EML4: variants seen among roughly 807,000 people sequenced by gnomAD.
The protein encoded by EML4 is EMAP like 4.
Under a neutral mutation model 129.0 loss-of-function variants are expected in EML4, and 72 were observed. The observed-to-expected ratio is 0.56, with a 90% confidence interval of 0.46 to 0.68. The LOEUF (loss-of-function observed/expected upper bound fraction) is 0.68, where lower values mean the gene tolerates loss of function less well. Among genes scored for constraint, EML4 ranks in the 30% least tolerant of loss-of-function variants. EML4 has a pLI of 0.00. For missense variants in EML4, 1,363 were observed against 1,190.6 expected, an observed-to-expected ratio of 1.14 and a Z score of -2.13; for synonymous variants, 532 against 405.0, an observed-to-expected ratio of 1.31 and a Z score of -3.77.
chr2:42,189,486 G>A (rs1270565341), intron 1 of EML4, among the ~76,000 whole-genome samples: 1 of 152,176 alleles, frequency 6.6e-6, no homozygotes, highest in Non-Finnish European at 1.5e-5. Flanking sequence ...AGGCCAAGAC[G>A]AGAGGATTGC....
At chr2:42,192,322 C>G (rs1671642296) in intron 1 of EML4, among the ~76,000 whole-genome samples, 3 of 151,224 alleles carry the variant, frequency 2.0e-5, no homozygotes, top group African/African-American at 7.3e-5. Context: ...TAACTGCAAC[C>G]TCTGCCTGCT....
intron 5 of EML4, among the ~76,000 whole-genome samples, chr2:42,263,933 G>A (rs1003732828): frequency 4.6e-5 from 7 of 151,586 alleles, no homozygotes; most frequent in Admixed American, 6.6e-5. Flanking sequence ...TTTTCACCAC[G>A]TTAGCCAGGA....
At chr2:42,197,809 G>C (rs977675366) in intron 1 of EML4, among the ~76,000 whole-genome samples, 2 of 152,142 alleles carry the variant, frequency 1.3e-5, no homozygotes, top group African/African-American at 4.8e-5. Flanking sequence ...TACAGTTTTG[G>C]AAATAACTCC....
rs534858378 is a variant in EML4 at position 42,240,507 on chromosome 2, C to T, written c.26-4998C>T. 6.6e-5 allele frequency among the ~76,000 whole-genome samples: 10 copies of T among 152,180 alleles called. No individual in the cohort carries two copies. In the East Asian group the frequency reaches 1.9e-3, roughly 29 times the overall value. ...GTGTGTGTCTATCAATTATTCAGTA[C>T]ATATTGTTTTGCAGTTTGCTTATCC... is the stretch of plus-strand genomic sequence containing the variant. On this transcript the variant is annotated intron_variant, in intron 1 of 22. Coordinates refer to ENST00000318522, the MANE Select transcript of EML4 (RefSeq NM_019063.5).
chr2:42,228,841 A>T (rs1308105762), intron 1 of EML4, among the ~76,000 whole-genome samples: 1 of 152,228 alleles, frequency 6.6e-6, no homozygotes, highest in African/African-American at 2.4e-5. Context: ...TTAAATCCTA[A>T]CAATGCATGG....
intron 1 of EML4, among the ~76,000 whole-genome samples, chr2:42,211,430 C>G (rs151337721): frequency 0.015 from 2,267 of 152,300 alleles, 30 homozygotes; most frequent in Non-Finnish European, 0.025. Flanking sequence ...ACTGATTGAA[C>G]ATTATCTACA....
At chr2:42,271,111 C>A (rs1666337824) in intron 6 of EML4, among the ~76,000 whole-genome samples, 1 of 152,142 alleles carries the variant, frequency 6.6e-6, no homozygotes, top group Non-Finnish European at 1.5e-5. Flanking sequence ...CCAGGCTGTT[C>A]TTGAACTCCT....
chr2:42,245,966 G>A (rs1321062492), intron 2 of EML4, among the ~76,000 whole-genome samples: 1 of 151,924 alleles, frequency 6.6e-6, no homozygotes, highest in African/African-American at 2.4e-5. Flanking sequence ...GTTTACTCAG[G>A]GCAGGAACTG....
chr2:42,197,932 CTG>C (rs769000890), intron 1 of EML4, among the ~76,000 whole-genome samples: 5 of 152,194 alleles, frequency 3.3e-5, no homozygotes, highest in Non-Finnish European at 7.3e-5. Flanking sequence ...GGTTAAGAAT[CTG>C]GGCTCCAGAG....
chr2:42,273,680 AT>A (rs34831617), intron 6 of EML4, among the ~76,000 whole-genome samples: 34,627 of 152,004 alleles, frequency 0.23, 4,778 homozygotes, highest in East Asian at 0.56. Flanking sequence ...ACTTAGTCAG[AT>A]TTTTTCAGAC....
At chr2:42,262,848 A>C (rs1219523960) in intron 4 of EML4, among the ~76,000 whole-genome samples, 1 of 152,226 alleles carries the variant, frequency 6.6e-6, no homozygotes, top group Non-Finnish European at 1.5e-5. Flanking sequence ...CTATGAAAAA[A>C]TACAGGTTTT....
chr2:42,297,477 C>T (rs942425628), intron 13 of EML4, among the ~76,000 whole-genome samples: 2 of 152,152 alleles, frequency 1.3e-5, no homozygotes, highest in Non-Finnish European at 2.9e-5. Context: ...AAACAGGAAA[C>T]AGGAAATCCA....
intron 2 of EML4, among the ~76,000 whole-genome samples, 170 bp from the exon 3 acceptor site, chr2:42,256,331 A>C (rs999323330): frequency 2.0e-4 from 31 of 152,342 alleles, no homozygotes; most frequent in African/African-American, 7.5e-4. Context: ...GTCTTGAGAC[A>C]GTATCATGTG....
At position 42,316,039 on chromosome 2, in the gene EML4, G is replaced by A. The variant is rs1193492729; in HGVS notation, c.2045G>A (p.Arg682His). Residue 682 changes from arginine (R) to histidine (H), a missense_variant, in exon 18 of 23, where the codon CGC (arginine) becomes CAC (histidine). Transcript: ENST00000318522. ...TDGNEQLSVM[R>H]YSIDGTFLAV... ...GGGAATGAACAGCTCTCTGTGATGCGCTACTCAATAGGTAGGCAAATTTAC... is the reference window on the plus strand; with the variant it reads ...GGGAATGAACAGCTCTCTGTGATGCACTACTCAATAGGTAGGCAAATTTAC... 2 of 1,612,458 alleles carry A rather than the reference G, an allele frequency of 1.2e-6. No individual in the cohort carries two copies. The highest frequency in any genetic ancestry group is 1.7e-6 in the Non-Finnish European group (2 of 1,178,798).
chr2:42,275,924 A>G (rs1238523781), intron 6 of EML4, among the ~76,000 whole-genome samples: 2 of 152,154 alleles, frequency 1.3e-5, no homozygotes, highest in African/African-American at 4.8e-5. Context: ...TGCTTTGATC[A>G]GTCCCATCGC....
chr2:42,225,607 G>T (rs1673909355), intron 1 of EML4, among the ~76,000 whole-genome samples: 1 of 152,086 alleles, frequency 6.6e-6, no homozygotes, highest in Admixed American at 6.5e-5. Flanking sequence ...AACTAACGTT[G>T]CCAGACTTTA....
At chr2:42,246,981 G>A (rs141090744) in intron 2 of EML4, among the ~76,000 whole-genome samples, 147 of 152,336 alleles carry the variant, frequency 9.6e-4, no homozygotes, top group African/African-American at 3.4e-3. Context: ...AGAATTGAGA[G>A]CAACAAATAT....
chr2:42,257,812 G>T (rs1665435873), intron 3 of EML4, among the ~76,000 whole-genome samples: 1 of 150,572 alleles, frequency 6.6e-6, no homozygotes, highest in Non-Finnish European at 1.5e-5. Flanking sequence ...ATCCCAGCCT[G>T]GGTGACAGAG....
chr2:42,207,584 C>T (rs181863035), intron 1 of EML4, among the ~76,000 whole-genome samples: 52 of 152,196 alleles, frequency 3.4e-4, no homozygotes, highest in South Asian at 8.3e-4. Flanking sequence ...TTGGTTCCTA[C>T]CCAGTTCTAA....
Sources: allele counts gnomAD v4.1 joint callset (sites outside exome capture counted in the v4.1 genomes callset), GRCh38; gene constraint gnomAD v4.1.1; transcripts MANE v1.5; gene names NCBI Gene and HGNC (gene_info 2026-07-23, HGNC 2026-07-21).